The following PCDH7 variants were observed in gnomAD, a reference collection of about 807,000 sequenced individuals.
PCDH7 encodes the protein protocadherin 7, also known as protocadherin-7.
PCDH7 carries 17 observed loss-of-function variants against 58.9 expected under a neutral mutation model. The observed-to-expected ratio is 0.29, with a 90% CI of 0.20 to 0.43. PCDH7 has a LOEUF of 0.43. Among genes scored for constraint, PCDH7 ranks in the 20% least tolerant of loss-of-function variants. PCDH7 has a pLI of 1.00. For missense variants in PCDH7, 1,274 were observed against 1,441.0 expected, an observed-to-expected ratio of 0.88 and a Z score of 1.88; for synonymous variants, 664 against 616.4, an observed-to-expected ratio of 1.08 and a Z score of -1.14.
intron 1 of PCDH7, among the ~76,000 whole-genome samples, chr4:30,764,867 C>T (rs1720501329): frequency 1.3e-5 from 2 of 151,904 alleles, no homozygotes; most frequent in Admixed American, 1.3e-4. Flanking sequence ...ATTATAGGCA[C>T]ACACCACCAC....
intron 3 of PCDH7, among the ~76,000 whole-genome samples, chr4:31,048,246 T>C (rs1756445553): frequency 6.6e-6 from 1 of 152,046 alleles, no homozygotes; most frequent in Non-Finnish European, 1.5e-5. Flanking sequence ...AGGTAGAATA[T>C]TAATGAGAGA....
At chr4:31,086,502 T>G (rs950345898) in intron 3 of PCDH7, among the ~76,000 whole-genome samples, 3 of 152,166 alleles carry the variant, frequency 2.0e-5, no homozygotes, top group Non-Finnish European at 2.9e-5. Flanking sequence ...CTAAATGTAT[T>G]ATCATACTTA....
At chr4:31,132,553 A>C (rs1659968759) in intron 3 of PCDH7, among the ~76,000 whole-genome samples, 2 of 152,170 alleles carry the variant, frequency 1.3e-5, no homozygotes, top group Admixed American at 1.3e-4. Flanking sequence ...GCCATATGAT[A>C]ATTACCTAGT....
chr4:30,969,659 TGAGAGA>T (rs369288924), intron 3 of PCDH7, among the ~76,000 whole-genome samples: 1 of 151,380 alleles, frequency 6.6e-6, no homozygotes, highest in Non-Finnish European at 1.5e-5. Flanking sequence ...TAAGAGAGGA[TGAGAGA>T]GAGAGAGACA....
At chr4:30,771,188 CT>C (rs1323336137) in intron 1 of PCDH7, among the ~76,000 whole-genome samples, 5 of 152,166 alleles carry the variant, frequency 3.3e-5, no homozygotes, top group Non-Finnish European at 1.5e-5. Flanking sequence ...ATTTGTGTTT[CT>C]TATTTTGAAC....
At chr4:30,933,511 C>G (rs749335922) in intron 2 of PCDH7, among the ~76,000 whole-genome samples, 1 of 152,116 alleles carries the variant, frequency 6.6e-6, no homozygotes, top group Admixed American at 6.6e-5. Context: ...TTTCTCTTGT[C>G]TTTAGGGTCA....
At chr4:31,054,910 T>C (rs1162237380) in intron 3 of PCDH7, among the ~76,000 whole-genome samples, 1 of 152,198 alleles carries the variant, frequency 6.6e-6, no homozygotes, top group Non-Finnish European at 1.5e-5. Flanking sequence ...TTATGAAATC[T>C]ATCAACCTGC....
intron 1 of PCDH7, among the ~76,000 whole-genome samples, chr4:30,873,065 A>G (rs1194037822): frequency 1.3e-5 from 2 of 152,104 alleles, no homozygotes; most frequent in African/African-American, 2.4e-5. Flanking sequence ...AAATGAATAC[A>G]CCATGATTAT....
At chr4:30,799,036 C>T (rs1290528701) in intron 1 of PCDH7, among the ~76,000 whole-genome samples, 1 of 152,164 alleles carries the variant, frequency 6.6e-6, no homozygotes, top group African/African-American at 2.4e-5. Flanking sequence ...TGTAGTAAGA[C>T]ACTTCTGGCA....
chr4:30,895,801 G>T (rs892869968), intron 1 of PCDH7, among the ~76,000 whole-genome samples: 2 of 152,138 alleles, frequency 1.3e-5, no homozygotes, highest in African/African-American at 4.8e-5. Flanking sequence ...TACTCAGATT[G>T]TGTTTATAAG....
In PCDH7 at chr4:30,723,201, C is replaced by G. The variant is rs1250805187; in HGVS notation, c.1779C>G (p.Val593=). Reference sequence around the variant, plus strand: ...ATCCCGATTCTGGGGACATCCTGGTCAATACCGTGCTGGACCGCGAGCAGA... The same window carrying G: ...ATCCCGATTCTGGGGACATCCTGGTGAATACCGTGCTGGACCGCGAGCAGA... The change falls in exon 1 of 2, where the codon GTC becomes GTG. Residue 593 remains valine, a synonymous_variant. Coordinates refer to ENST00000361762, the Ensembl canonical transcript of PCDH7. This position sits in a 1 kb window ranked among gnomAD's most constrained non-coding sequence, Gnocchi z 4.6. The G allele has an allele frequency of 1.2e-6, 2 of 1,614,156 alleles. No individual in the cohort carries two copies. The highest frequency in any genetic ancestry group is 3.3e-5 in the Admixed American group (2 of 60,026).
intron 1 of PCDH7, among the ~76,000 whole-genome samples, chr4:30,744,672 G>A (rs1027967800): frequency 1.3e-5 from 2 of 152,190 alleles, no homozygotes; most frequent in Admixed American, 1.3e-4. Context: ...GTTAGAATAT[G>A]GCTTTGATTT....
chr4:30,721,532 G>T lies in PCDH7; in HGVS notation c.110G>T (p.Arg37Leu), dbSNP rs762558655. ...GCCGCCAAGCAGCTCCTCCGGTACC[G>T]GCTGGCCGAGGAGGGCCCCGCCGAC... The change falls in exon 1 of 2, where the codon CGG becomes CTG. Residue 37 changes from arginine to leucine, a missense_variant. Arg to Leu is a moderately radical substitution (Grantham distance 102). Transcript: ENST00000361762. The surrounding 1 kb of genome is among the most constrained non-coding windows in gnomAD (Gnocchi z 6.7). 6.2e-7 allele frequency: 1 copy of T among 1,600,798 alleles called. No homozygotes were observed. Among genetic ancestry groups the T allele is most frequent in the Admixed American group, 1.7e-5 (1 of 59,960 alleles).
At chr4:30,744,018 A>T (rs960004959) in intron 1 of PCDH7, among the ~76,000 whole-genome samples, 3 of 152,154 alleles carry the variant, frequency 2.0e-5, no homozygotes, top group Non-Finnish European at 4.4e-5. Context: ...ATCTCCGTTG[A>T]TTCTTTAGAA....
At chr4:30,820,040 G>C (rs1216936125) in intron 1 of PCDH7, among the ~76,000 whole-genome samples, 1 of 152,008 alleles carries the variant, frequency 6.6e-6, no homozygotes, top group East Asian at 1.9e-4. Context: ...AATAGGTCAA[G>C]ATTCAACATC....
intron 3 of PCDH7, among the ~76,000 whole-genome samples, chr4:31,126,785 T>A (rs1718361529): frequency 6.6e-6 from 1 of 152,210 alleles, no homozygotes; most frequent in African/African-American, 2.4e-5. Context: ...AAATTTTAAG[T>A]GTGCCATTTA....
chr4:31,076,670 C>A (rs1437126506), intron 3 of PCDH7, among the ~76,000 whole-genome samples: 2 of 152,286 alleles, frequency 1.3e-5, no homozygotes, highest in East Asian at 3.9e-4. Context: ...TGCACTTTTT[C>A]AGCATCTCAA....
At chr4:31,084,147 A>G (rs1711998071) in intron 3 of PCDH7, among the ~76,000 whole-genome samples, 1 of 152,180 alleles carries the variant, frequency 6.6e-6, no homozygotes, top group Admixed American at 6.5e-5. Context: ...ATGTAACTAT[A>G]TTTAGAATAA....
exon 2 of PCDH7, chr4:30,731,208 T>G: frequency 1.1e-6 from 1 of 937,994 alleles, no homozygotes; most frequent in Non-Finnish European, 1.3e-6. Context: ...AAAATCTAAA[T>G]TGATCAATAT....
Sources: gnomAD v4.1 joint callset for allele counts (sites outside exome capture counted in the v4.1 genomes callset) on GRCh38, gnomAD v4.1.1 for gene constraint, Gnocchi (gnomAD v3.1) non-coding constraint, MANE v1.5 for transcripts, NCBI Gene and HGNC (gene_info 2026-07-23, HGNC 2026-07-21) for gene names.